The following SUN5 variants were observed in gnomAD, a reference collection of about 807,000 sequenced individuals.
The protein encoded by SUN5 is Sad1 and UNC84 domain containing 5, also known as SUN domain-containing protein 5.
Under a neutral mutation model 53.7 loss-of-function variants are expected in SUN5, and 44 were observed. That is an observed-to-expected ratio of 0.82 (90% CI 0.64 to 1.05). The LOEUF (loss-of-function observed/expected upper bound fraction) is 1.05, where lower values mean the gene tolerates loss of function less well. Ranked by LOEUF, SUN5 falls within the 50% of genes least tolerant of loss-of-function variation. The pLI is 0.00. For missense variants in SUN5, 433 were observed against 483.8 expected, an observed-to-expected ratio of 0.90 and a Z score of 0.98; for synonymous variants, 166 against 179.8, an observed-to-expected ratio of 0.92 and a Z score of 0.62.
chr20:32,987,598 G>T, intron 10 of SUN5, 62 bp downstream of exon 10: 2 of 1,253,038 alleles, frequency 1.6e-6, no homozygotes. Flanking sequence ...GCCAGCTCCT[G>T]TCCCCAAACC....
At position 32,985,827 on chromosome 20, in the gene SUN5, ACCTTC is replaced by A. The variant is rs1989522786; in HGVS notation, c.801_805del (p.Gln267HisfsTer109). On this transcript the variant is annotated frameshift_variant, in exon 11 of 13. Coordinates refer to ENST00000356173, the MANE Select transcript of SUN5 (RefSeq NM_080675.4). LOFTEE classifies it high-confidence loss of function. ...CTGCAGCGTGAGGTTGGACAGGTAA[ACCTTC>A]TGAGCCAATTGGATGGTCACCTGGC... 1 of 1,613,796 alleles carries A rather than the reference ACCTTC, an allele frequency of 6.2e-7. No individual in the cohort carries two copies. The highest frequency in any genetic ancestry group is 8.5e-7 in the Non-Finnish European group (1 of 1,179,938).
At chr20:32,990,749 T>C (rs1050370191) in intron 8 of SUN5, among the ~76,000 whole-genome samples, 26 of 152,126 alleles carry the variant, frequency 1.7e-4, no homozygotes, top group African/African-American at 6.3e-4. Flanking sequence ...GCCCCAGATG[T>C]AGAGTCACCT....
intron 8 of SUN5, among the ~76,000 whole-genome samples, chr20:32,995,379 A>G (rs895049043): frequency 3.9e-5 from 6 of 152,238 alleles, no homozygotes; most frequent in East Asian, 1.9e-4. Context: ...AGGAGAAACT[A>G]TTTCATATTT....
At chr20:33,002,339 G>T (rs1990071042) in intron 3 of SUN5, among the ~76,000 whole-genome samples, 1 of 152,140 alleles carries the variant, frequency 6.6e-6, no homozygotes, top group Non-Finnish European at 1.5e-5. Context: ...ACTGGTGGTA[G>T]AGGAGGGTTG....
At chr20:32,996,283 T>A in intron 7 of SUN5, 41 bp downstream of exon 7, 1 of 1,606,862 alleles carries the variant, frequency 6.2e-7, no homozygotes, top group Non-Finnish European at 8.5e-7. Flanking sequence ...ATAGCTCTGC[T>A]TTTTAGGTAA....
In SUN5 at chr20:32,989,610, G is replaced by C; in HGVS notation, c.613+10C>G. The C allele has an allele frequency of 6.2e-7, 1 of 1,613,194 alleles. No individual in the cohort carries two copies. Among genetic ancestry groups the C allele is most frequent in the South Asian group, 1.1e-5 (1 of 91,018 alleles). ...GAGGCAGTCAGATGGTGGGGAAGGG[G>C]GTCACCTACCTATAGACTTCAGGGC... is the stretch of plus-strand genomic sequence containing the variant. On this transcript the variant is annotated intron_variant, in intron 9 of 12. Coordinates refer to ENST00000356173, the MANE Select transcript of SUN5 (RefSeq NM_080675.4).
intron 12 of SUN5, 93 bp downstream of exon 12, chr20:32,985,006 G>A: frequency 7.6e-7 from 1 of 1,324,382 alleles, no homozygotes; most frequent in Non-Finnish European, 1.1e-6. Flanking sequence ...GGCACCTCCT[G>A]GGGATACTGG....
rs1010346837 is a variant in SUN5 at position 33,001,888 on chromosome 20, G to A, written c.212-610C>T. 3.9e-5 allele frequency among the ~76,000 whole-genome samples: 6 copies of A among 152,018 alleles called. No individual in the cohort carries two copies. In the East Asian group the frequency reaches 7.7e-4, roughly 20 times the overall value. Reference sequence around the variant, plus strand: ...AGGTTGGTCTCAAACTCCTGACCTCGTGATCTGCCCGCCTTGGCCTCCCAA... The same window carrying A: ...AGGTTGGTCTCAAACTCCTGACCTCATGATCTGCCCGCCTTGGCCTCCCAA... On this transcript the variant is annotated intron_variant, in intron 3 of 12. Transcript: ENST00000356173.
intron 6 of SUN5, among the ~76,000 whole-genome samples, chr20:32,996,972 G>A (rs1043298219): frequency 2.6e-5 from 4 of 152,222 alleles, no homozygotes; most frequent in Non-Finnish European, 4.4e-5. Flanking sequence ...GGGGTGAATA[G>A]GACCTGGCTC....
In SUN5 at chr20:32,983,775, T is replaced by G; in HGVS notation, c.*19A>C. On this transcript the variant is annotated 3_prime_UTR_variant, in exon 13 of 13. Coordinates refer to ENST00000356173, the MANE Select transcript of SUN5 (RefSeq NM_080675.4). ...GGCCAAAAGACACTCAGACTTGGTC[T>G]GGGGGTAAAGAATAAATTTTAATCT... The G allele has an allele frequency of 6.9e-7, 1 of 1,448,044 alleles. No homozygotes were observed. The highest frequency in any genetic ancestry group is 1.6e-5 in the South Asian group (1 of 62,102). The allele number at this position is 1,448,044 out of a possible 1,614,324, so 89.7% of individuals were successfully genotyped here.
chr20:32,995,279 C>T (rs1337602875), intron 8 of SUN5, among the ~76,000 whole-genome samples: 3 of 152,094 alleles, frequency 2.0e-5, no homozygotes, highest in Admixed American at 1.3e-4. Context: ...ATAGATCATA[C>T]TCAAAGGATC....
At chr20:33,002,498 T>C (rs1187804522) in intron 3 of SUN5, 89 bp downstream of exon 3, 64 of 1,332,270 alleles carry the variant, frequency 4.8e-5, no homozygotes, top group Non-Finnish European at 6.1e-5. Context: ...AGGGCAGGCA[T>C]TGCCACCCCC....
chr20:33,000,028 C>T (rs1989960129), intron 5 of SUN5, 46 bp downstream of exon 5: 1 of 1,589,220 alleles, frequency 6.3e-7, no homozygotes, highest in East Asian at 2.3e-5. Flanking sequence ...AGTGCCAGGG[C>T]CCAGGGATAC....
intron 8 of SUN5, 124 bp downstream of exon 8, chr20:32,995,495 G>C (rs573656183): frequency 6.7e-6 from 5 of 746,288 alleles, no homozygotes; most frequent in East Asian, 5.1e-5. Context: ...ATTCCTGAAA[G>C]TCACTGGGGG....
At chr20:32,997,610 G>A (rs1222905106) in intron 6 of SUN5, 28 bp downstream of exon 6, 14 of 1,613,132 alleles carry the variant, frequency 8.7e-6, no homozygotes, top group Non-Finnish European at 1.0e-5. Context: ...CCTGTCAGCT[G>A]TGGGGCCTGA....
intron 8 of SUN5, among the ~76,000 whole-genome samples, chr20:32,991,516 G>A (rs1259616388): frequency 6.6e-6 from 1 of 152,180 alleles, no homozygotes; most frequent in Non-Finnish European, 1.5e-5. Flanking sequence ...CCTGACTCTA[G>A]AGCCAGTCCT....
chr20:32,998,684 T>G (rs978647791), intron 5 of SUN5, among the ~76,000 whole-genome samples: 3 of 152,004 alleles, frequency 2.0e-5, no homozygotes, highest in Non-Finnish European at 4.4e-5. Context: ...CTAGTTCTAT[T>G]TAACATGGTA....
intron 10 of SUN5, among the ~76,000 whole-genome samples, chr20:32,986,105 G>A (rs905157312): frequency 1.1e-4 from 17 of 152,164 alleles, no homozygotes; most frequent in Non-Finnish European, 2.4e-4. Flanking sequence ...ATGCAGTAAG[G>A]GAGGGGCCTG....
At chr20:32,999,987 A>G (rs15850) in intron 5 of SUN5, 87 bp downstream of exon 5, 805,466 of 1,563,578 alleles carry the variant, frequency 0.52, 212,865 homozygotes, top group East Asian at 0.92. Flanking sequence ...GTCACGTGGC[A>G]GTGCAGTGTC....
Sources: gnomAD v4.1 joint callset for allele counts (sites outside exome capture counted in the v4.1 genomes callset) on GRCh38, gnomAD v4.1.1 for gene constraint, MANE v1.5 for transcripts, NCBI Gene and HGNC (gene_info 2026-07-23, HGNC 2026-07-21) for gene names.